Variants in CHCHD3 observed in about 807,000 individuals in gnomAD.
CHCHD3 encodes the protein coiled-coil-helix-coiled-coil-helix domain containing 3.
CHCHD3 carries 20 observed loss-of-function variants against 38.2 expected under a neutral mutation model. The ratio of observed to expected loss-of-function variants is 0.52; its 90% CI spans 0.37 to 0.76. The LOEUF (loss-of-function observed/expected upper bound fraction) is 0.76, where lower values mean the gene tolerates loss of function less well. Among genes scored for constraint, CHCHD3 ranks in the 30% least tolerant of loss-of-function variants. The probability of loss-of-function intolerance (pLI) is 0.00; values close to 1 mark genes in which losing one functional copy is unlikely to be tolerated. For missense variants in CHCHD3, 245 were observed against 279.2 expected (o/e 0.88, Z 0.87); for synonymous variants, 82 against 100.0 (o/e 0.82, Z 1.07).
intron 4 of CHCHD3, among the ~76,000 whole-genome samples, chr7:132,924,369 A>T (rs1019547182): frequency 8.5e-5 from 13 of 152,136 alleles, no homozygotes; most frequent in South Asian, 2.1e-4. Context: ...CAGGGTATTT[A>T]AAAAAAGCTC....
At chr7:133,023,425 G>T (rs1008839382) in intron 3 of CHCHD3, among the ~76,000 whole-genome samples, 4 of 152,174 alleles carry the variant, frequency 2.6e-5, no homozygotes, top group Non-Finnish European at 5.9e-5. Context: ...ATTATATGGT[G>T]AAGGTCCTAT....
chr7:132,955,092 T>C (rs1811126119), intron 4 of CHCHD3, among the ~76,000 whole-genome samples: 2 of 151,154 alleles, frequency 1.3e-5, no homozygotes. Flanking sequence ...AGGGAAGTCA[T>C]AGGGTCCCAA....
At chr7:133,046,539 T>C (rs769356383) in intron 2 of CHCHD3, among the ~76,000 whole-genome samples, 2 of 151,498 alleles carry the variant, frequency 1.3e-5, no homozygotes, top group African/African-American at 2.4e-5. Context: ...TTATATATAA[T>C]TGGTTTCTTT....
chr7:132,868,687 A>G (rs529616325), intron 5 of CHCHD3, among the ~76,000 whole-genome samples: 60 of 152,198 alleles, frequency 3.9e-4, no homozygotes, highest in Non-Finnish European at 5.1e-4. Flanking sequence ...TAAACATCCC[A>G]ATGTCATTTT....
rs532410272 is a variant in CHCHD3 at position 132,874,831 on chromosome 7, G to A, written c.453+10831C>T. On this transcript the variant is annotated intron_variant, in intron 5 of 7. Transcript: ENST00000262570. ...TTTCTCAAAGACTCTTGGAAAGGGTGAGGATTAGGAAGAGAATTCAGAGAG... is the reference window on the plus strand; with the variant it reads ...TTTCTCAAAGACTCTTGGAAAGGGTAAGGATTAGGAAGAGAATTCAGAGAG... 6.7e-4 allele frequency among the ~76,000 whole-genome samples: 102 copies of A among 152,294 alleles called. 1 individual carries two copies. The highest frequency in any genetic ancestry group is 3.4e-3 in the Middle Eastern group (1 of 294).
chr7:132,895,938 C>T (rs766882595), intron 4 of CHCHD3, among the ~76,000 whole-genome samples: 23 of 152,186 alleles, frequency 1.5e-4, no homozygotes, highest in Non-Finnish European at 8.8e-5. Context: ...AAAGAAAATA[C>T]TTAAAAGAAC....
intron 4 of CHCHD3, among the ~76,000 whole-genome samples, chr7:132,913,948 C>CTTT (rs71178066): frequency 5.9e-5 from 6 of 102,322 alleles, no homozygotes; most frequent in Admixed American, 1.1e-4. Context: ...TTTTCTTTTT[C>CTTT]TTTTTTTTTT....
chr7:132,837,622 T>C (rs914082216), intron 6 of CHCHD3, among the ~76,000 whole-genome samples: 15 of 152,244 alleles, frequency 9.9e-5, no homozygotes, highest in Non-Finnish European at 1.6e-4. Context: ...TTTTATCAAA[T>C]GCTTGTAAAC....
intron 4 of CHCHD3, among the ~76,000 whole-genome samples, chr7:132,893,238 G>C (rs1367146221): frequency 6.6e-6 from 1 of 152,224 alleles, no homozygotes; most frequent in Admixed American, 6.5e-5. Context: ...ATGAGACATG[G>C]AGTCAAAGGA....
At chr7:133,067,854 C>G (rs912578862) in intron 2 of CHCHD3, among the ~76,000 whole-genome samples, 1 of 152,178 alleles carries the variant, frequency 6.6e-6, no homozygotes, top group Admixed American at 6.5e-5. Context: ...CGGTGGCTCA[C>G]GCCTGTAATC....
At chr7:133,077,667 C>A (rs983756249) in intron 1 of CHCHD3, among the ~76,000 whole-genome samples, 3 of 152,178 alleles carry the variant, frequency 2.0e-5, no homozygotes, top group Non-Finnish European at 2.9e-5. Context: ...CAGGTGCTCA[C>A]AAAAATCCTA....
intron 4 of CHCHD3, chr7:132,887,009 A>C: frequency 8.0e-7 from 1 of 1,252,290 alleles, no homozygotes; most frequent in Non-Finnish European, 1.0e-6. Flanking sequence ...TTAAAAATAA[A>C]ATAAACAGTT....
At chr7:133,019,787 C>T (rs1467528475) in intron 3 of CHCHD3, among the ~76,000 whole-genome samples, 1 of 152,012 alleles carries the variant, frequency 6.6e-6, no homozygotes, top group Non-Finnish European at 1.5e-5. Flanking sequence ...ATTCAAATGC[C>T]AAAGGTCAGA....
intron 4 of CHCHD3, among the ~76,000 whole-genome samples, chr7:132,918,485 C>T (rs1251489946): frequency 6.6e-6 from 1 of 152,198 alleles, no homozygotes; most frequent in East Asian, 1.9e-4. Flanking sequence ...TATGTATGTA[C>T]TTCACAATAA....
In CHCHD3 at chr7:133,035,845, C is replaced by T; in HGVS notation, c.170-11218G>A. ...GCGGAGAGCACGCGGATCTGAGCCC[C>T]GCTGTACTGAGCAGCGATGAGAGCC... On this transcript the variant is annotated intron_variant, in intron 2 of 7. Transcript: ENST00000262570. This position sits in a 1 kb window ranked among gnomAD's most constrained non-coding sequence, Gnocchi z 4.7. 4 of 1,613,174 alleles carry T rather than the reference C, an allele frequency of 2.5e-6. No homozygotes were observed. Among genetic ancestry groups the T allele is most frequent in the Admixed American group, 1.7e-5 (1 of 60,018 alleles).
intron 4 of CHCHD3, among the ~76,000 whole-genome samples, chr7:132,886,344 C>T (rs1305843541): frequency 1.3e-5 from 2 of 151,766 alleles, no homozygotes; most frequent in Non-Finnish European, 2.9e-5. Flanking sequence ...AGTTATTGTA[C>T]TTTCAATTTA....
chr7:133,000,391 T>G (rs1412403079), intron 3 of CHCHD3, among the ~76,000 whole-genome samples: 5 of 152,184 alleles, frequency 3.3e-5, no homozygotes, highest in African/African-American at 1.2e-4. Flanking sequence ...TAGAACATTT[T>G]TACCGAGCAC....
chr7:132,802,739 A>G (rs1242282586), intron 6 of CHCHD3, among the ~76,000 whole-genome samples: 3 of 152,230 alleles, frequency 2.0e-5, no homozygotes, highest in Non-Finnish European at 4.4e-5. Context: ...ATAATTGTAC[A>G]GAGTTTGGTG....
At chr7:132,832,292 C>T (rs950445414) in intron 6 of CHCHD3, among the ~76,000 whole-genome samples, 2 of 152,122 alleles carry the variant, frequency 1.3e-5, no homozygotes, top group Non-Finnish European at 2.9e-5. Flanking sequence ...AGTCAGGTTT[C>T]AACAACTTCA....
Sources: allele counts gnomAD v4.1 joint callset (sites outside exome capture counted in the v4.1 genomes callset), GRCh38; gene constraint gnomAD v4.1.1; non-coding constraint Gnocchi (gnomAD v3.1); transcripts MANE v1.5; gene names NCBI Gene and HGNC (gene_info 2026-07-23, HGNC 2026-07-21).